USH2A: variants seen among roughly 807,000 people sequenced by gnomAD.
USH2A encodes the protein usherin.
A neutral mutation model predicts 538.9 loss-of-function variants in USH2A; 443 were observed. The observed-to-expected ratio is 0.82, with a 90% CI of 0.76 to 0.89. The LOEUF is 0.89. Ranked by LOEUF, USH2A falls within the 40% of genes least tolerant of loss-of-function variation. USH2A has a pLI of 0.00. For synonymous variants in USH2A, 2,413 were observed against 2,273.5 expected (o/e 1.06, Z -1.75); for missense variants, 6,633 against 6,324.8 (o/e 1.05, Z -1.65).
At chr1:215,937,804 A>C (rs1224106446) in intron 37 of USH2A, among the ~76,000 whole-genome samples, 1 of 152,176 alleles carries the variant, frequency 6.6e-6, no homozygotes, top group Non-Finnish European at 1.5e-5. Flanking sequence ...TAATTTTACA[A>C]ATTTTCAGCC....
chr1:215,634,665 G>A lies in USH2A; in HGVS notation c.15091C>T (p.Arg5031Trp), dbSNP rs56038610. ...CTGTAGAACTCTGTGCTTTTGCTCC[G>A]CGATCCCTTCTTTTTCCCAGGAGTT... ...LTTPGKKKGSRSKSTEFYSEL... is the reference protein window; with the variant it reads ...LTTPGKKKGSWSKSTEFYSEL... Residue 5031 changes from arginine (R) to tryptophan (W), a missense_variant, in exon 70 of 72, where the codon CGG (arginine) becomes TGG (tryptophan). Physicochemically the swap from Arg to Trp is moderately radical, Grantham distance 101 (BLOSUM62 -3). Coordinates refer to ENST00000307340, the MANE Select transcript of USH2A (RefSeq NM_206933.4). 29,275 of 1,614,150 alleles carry A rather than the reference G, an allele frequency of 0.018. 343 individuals carry two copies. Among genetic ancestry groups the A allele is most frequent in the Non-Finnish European group, 0.02 (23,575 of 1,180,034 alleles).
At chr1:216,041,845 C>T (rs916549931) in intron 32 of USH2A, among the ~76,000 whole-genome samples, 1 of 149,244 alleles carries the variant, frequency 6.7e-6, no homozygotes, top group African/African-American at 2.5e-5. Context: ...AATAAAATAA[C>T]TTTTTTTTTT....
In USH2A at chr1:216,199,681, T is replaced by G; in HGVS notation, c.3757A>C (p.Lys1253Gln). 1 of 1,614,106 alleles carries G rather than the reference T, an allele frequency of 6.2e-7. No individual in the cohort carries two copies. Among genetic ancestry groups the G allele is most frequent in the Non-Finnish European group, 8.5e-7 (1 of 1,179,996 alleles). ...PQRLSPPKMQ[K>Q]ISSTELHVEW... is the part of the protein sequence containing the mutation. The stretch of plus-strand genomic sequence containing the variant: ...ACATGAAGTTCTGTAGAACTGATTT[T>G]CTGCATCTTAGGTGGACTTAGTCTT... Residue 1253 changes from lysine (K) to glutamine (Q), a missense_variant, in exon 17 of 72, where the codon AAA (lysine) becomes CAA (glutamine). By Grantham distance (53) the Lys-to-Gln change is moderately conservative. Transcript: ENST00000307340.
In USH2A at chr1:216,324,294, C is replaced by T; in HGVS notation, c.1202G>A (p.Arg401Lys). The change falls in exon 7 of 72, where the codon AGG becomes AAG. Residue 401 changes from arginine (R) to lysine (K), a missense_variant. By Grantham distance (26) the Arg-to-Lys change is conservative. Coordinates refer to ENST00000307340, the MANE Select transcript of USH2A (RefSeq NM_206933.4). Reference sequence around the variant, plus strand: ...CCAATCTAAACTATTTTCCTTCTTCCTTTGAATCCTTATTTCCGTTGGTTG... The same window carrying T: ...CCAATCTAAACTATTTTCCTTCTTCTTTTGAATCCTTATTTCCGTTGGTTG... ...SPQPTEIRIQ[R>K]KKENSLDWED... 1.2e-6 allele frequency: 2 copies of T among 1,612,984 alleles called. No homozygotes were observed. Among genetic ancestry groups the T allele is most frequent in the Non-Finnish European group, 1.7e-6 (2 of 1,179,474 alleles).
At chr1:216,352,537 A>G (rs2038307179) in intron 4 of USH2A, among the ~76,000 whole-genome samples, 1 of 152,144 alleles carries the variant, frequency 6.6e-6, no homozygotes, top group South Asian at 2.1e-4. Context: ...AGAGGAATTA[A>G]AGGCTCCTAT....
intron 20 of USH2A, among the ~76,000 whole-genome samples, chr1:216,178,980 G>T (rs1216462217): frequency 2.0e-5 from 3 of 152,096 alleles, no homozygotes; most frequent in African/African-American, 7.2e-5. Context: ...TTAACTAAAT[G>T]TTGAGAAGAA....
At chr1:215,861,536 C>A (rs1664312614) in intron 44 of USH2A, among the ~76,000 whole-genome samples, 2 of 152,140 alleles carry the variant, frequency 1.3e-5, no homozygotes, top group Admixed American at 1.3e-4. Context: ...GATTTTGGAT[C>A]TCTTTGGGTG....
At chr1:215,657,805 G>T (rs1571936041) in intron 64 of USH2A, among the ~76,000 whole-genome samples, 1 of 152,220 alleles carries the variant, frequency 6.6e-6, no homozygotes, top group South Asian at 2.1e-4. Context: ...GTGTCTTGTC[G>T]CTACTGCTTC....
chr1:215,675,094 A>G lies in USH2A; in HGVS notation c.12817T>C (p.Tyr4273His), dbSNP rs79654794. The change falls in exon 63 of 72, where the codon TAT (tyrosine) becomes CAT (histidine). Residue 4273 changes from tyrosine (Y) to histidine (H), a missense_variant. Tyr to His is a moderately conservative substitution (Grantham distance 83). Coordinates refer to ENST00000307340, the MANE Select transcript of USH2A (RefSeq NM_206933.4). Reference sequence around the variant, plus strand: ...AGTTTTTGGGGATTCATAGAAACATAGGATATCACAGGTGGAGAGAGACCT... The same window carrying G: ...AGTTTTTGGGGATTCATAGAAACATGGGATATCACAGGTGGAGAGAGACCT... ...PEGLSPPVISYVSMNPQKLLI... is the reference protein window; with the variant it reads ...PEGLSPPVISHVSMNPQKLLI... 1,138 of 1,614,130 alleles carry G rather than the reference A, an allele frequency of 7.1e-4. 7 individuals are homozygous for G. The African/African-American group carries it at 0.014, about 19-fold the overall frequency.
intron 49 of USH2A, among the ~76,000 whole-genome samples, chr1:215,802,624 T>A (rs1182154489): frequency 6.6e-6 from 1 of 152,034 alleles, no homozygotes; most frequent in African/African-American, 2.4e-5. Flanking sequence ...ACAGTAAGAA[T>A]ATGGAGAAAT....
chr1:215,814,003 A>G, intron 48 of USH2A, 99 bp from the exon 49 acceptor site: 1 of 1,316,922 alleles, frequency 7.6e-7, no homozygotes, highest in Non-Finnish European at 1.1e-6. Flanking sequence ...TAAGGCATAG[A>G]AGATCTGAGA....
At chr1:215,648,329 A>G (rs1225876057) in intron 66 of USH2A, among the ~76,000 whole-genome samples, 199 bp downstream of exon 66, 1 of 152,254 alleles carries the variant, frequency 6.6e-6, no homozygotes, top group Non-Finnish European at 1.5e-5. Context: ...ATTTAAATAC[A>G]TCGCAGGTAA....
chr1:216,261,965 G>T (rs1334317109), intron 11 of USH2A, among the ~76,000 whole-genome samples: 1 of 151,920 alleles, frequency 6.6e-6, no homozygotes. Context: ...TACTGACATG[G>T]ATTACAGTTG....
At chr1:215,996,570 T>TTTG (rs1668147227) in intron 34 of USH2A, among the ~76,000 whole-genome samples, 12 of 94,226 alleles carry the variant, frequency 1.3e-4, no homozygotes, top group South Asian at 3.5e-4. Flanking sequence ...GTTTTTTTTT[T>TTTG]TTTTTTTTTT....
chr1:215,819,920 G>T (rs1433023718), intron 47 of USH2A, among the ~76,000 whole-genome samples: 3 of 151,714 alleles, frequency 2.0e-5, no homozygotes, highest in Non-Finnish European at 4.4e-5. Context: ...TTTGGTTGCT[G>T]ATCTGAAAAT....
Position 216,177,731 on chromosome 1 carries a change from C to T in USH2A, c.4397-2249G>A, listed in dbSNP as rs146184513. Among the ~76,000 whole-genome samples the T allele has an allele frequency of 3.6e-4, 55 of 152,306 alleles. No homozygotes were observed. In the East Asian group the frequency reaches 0.01, roughly 28 times the overall value. On this transcript the variant is annotated intron_variant, in intron 20 of 71. Transcript: ENST00000307340. ...ACGGAGATTAAGGTTTTCCCTACAA[C>T]TTGCTCATTCAGATTAACAGCTGAT...
rs1665129531 is a variant in USH2A at position 215,888,645 on chromosome 1, T to C, written c.8004A>G (p.Glu2668=). 6.2e-7 allele frequency: 1 copy of C among 1,614,170 alleles called. No homozygotes were observed. Among genetic ancestry groups the C allele is most frequent in the Non-Finnish European group, 8.5e-7 (1 of 1,180,018 alleles). The change falls in exon 41 of 72, where the codon GAA becomes GAG. Residue 2668 remains glutamate, a synonymous_variant. Coordinates refer to ENST00000307340, the MANE Select transcript of USH2A (RefSeq NM_206933.4). ...TIERRVKGKE[E]VTTLVTLPRS... ...TCGGGAGAGTCACCAGGGTAGTAACTTCTTCCTTTCCTTTGACTCTTCTCT... is the reference window on the plus strand; with the variant it reads ...TCGGGAGAGTCACCAGGGTAGTAACCTCTTCCTTTCCTTTGACTCTTCTCT...
chr1:215,952,989 T>C, intron 37 of USH2A, among the ~76,000 whole-genome samples: 1 of 152,118 alleles, frequency 6.6e-6, no homozygotes, highest in East Asian at 1.9e-4. Context: ...ATAAAATACC[T>C]AGGAATCCAA....
intron 3 of USH2A, among the ~76,000 whole-genome samples, chr1:216,389,489 G>T (rs1228669120): frequency 1.3e-5 from 2 of 151,998 alleles, no homozygotes; most frequent in Admixed American, 6.6e-5. Context: ...AACTAAGCAA[G>T]ATTTTTCTAA....
Sources: allele counts gnomAD v4.1 joint callset (sites outside exome capture counted in the v4.1 genomes callset), GRCh38; gene constraint gnomAD v4.1.1; transcripts MANE v1.5; gene names NCBI Gene and HGNC (gene_info 2026-07-23, HGNC 2026-07-21).